CNTN6: variants seen among roughly 807,000 people sequenced by gnomAD.
The protein encoded by CNTN6 is contactin-6.
Under a neutral mutation model 122.8 loss-of-function variants are expected in CNTN6, and 137 were observed. The ratio of observed to expected loss-of-function variants is 1.12; its 90% CI spans 0.97 to 1.29. CNTN6 has a LOEUF of 1.29. Among genes scored for constraint, CNTN6 ranks in the 50% most tolerant of loss-of-function variants. The probability of loss-of-function intolerance (pLI) is 0.00; values close to 1 mark genes in which losing one functional copy is unlikely to be tolerated. For missense variants in CNTN6, 1,634 were observed against 1,223.4 expected, an observed-to-expected ratio of 1.34 and a Z score of -5.01; for synonymous variants, 570 against 426.0, an observed-to-expected ratio of 1.34 and a Z score of -4.16.
intron 2 of CNTN6, among the ~76,000 whole-genome samples, chr3:1,213,777 G>A (rs2094083462): frequency 6.6e-6 from 1 of 151,422 alleles, no homozygotes; most frequent in African/African-American, 2.4e-5. Flanking sequence ...ATAAAACAAA[G>A]TAAAAATGAT....
intron 11 of CNTN6, among the ~76,000 whole-genome samples, chr3:1,330,597 A>C (rs1489110609): frequency 6.6e-6 from 1 of 151,900 alleles, no homozygotes; most frequent in Non-Finnish European, 1.5e-5. Context: ...GCTCTCTTTT[A>C]ATGACTCACA....
intron 2 of CNTN6, among the ~76,000 whole-genome samples, chr3:1,157,246 T>C (rs1426498650): frequency 7.0e-6 from 1 of 141,936 alleles, no homozygotes; most frequent in Non-Finnish European, 1.5e-5. Context: ...TATGTACTTA[T>C]TGTCTCTGTT....
At chr3:1,233,701 C>T (rs1360429130) in intron 4 of CNTN6, among the ~76,000 whole-genome samples, 3 of 136,162 alleles carry the variant, frequency 2.2e-5, no homozygotes, top group Non-Finnish European at 1.5e-5. Flanking sequence ...TGCCAGTACA[C>T]TCCAGTCTGG....
intron 1 of CNTN6, among the ~76,000 whole-genome samples, chr3:1,108,291 A>G (rs1055095457): frequency 6.6e-6 from 1 of 152,090 alleles, no homozygotes; most frequent in Non-Finnish European, 1.5e-5. Context: ...GAATATTCGC[A>G]TATATATAAT....
At chr3:1,373,059 A>C (rs1709301812) in intron 14 of CNTN6, 104 bp downstream of exon 14, 4 of 667,162 alleles carry the variant, frequency 6.0e-6, no homozygotes, top group Non-Finnish European at 1.0e-5. Flanking sequence ...TATGGAAGTG[A>C]GATGTAATCA....
chr3:1,119,519 C>T (rs1011592759), intron 1 of CNTN6, among the ~76,000 whole-genome samples: 1 of 151,956 alleles, frequency 6.6e-6, no homozygotes, highest in East Asian at 1.9e-4. Flanking sequence ...TGAAAGAGAG[C>T]ATCATAGAAG....
intron 2 of CNTN6, chr3:1,173,244 C>G (rs981193341): frequency 6.6e-6 from 3 of 456,556 alleles, no homozygotes; most frequent in African/African-American, 6.0e-5. Context: ...AACTGGACTT[C>G]GTCTCTGGCT....
intron 7 of CNTN6, among the ~76,000 whole-genome samples, chr3:1,312,444 G>A (rs1699484873): frequency 1.3e-5 from 2 of 151,954 alleles, no homozygotes; most frequent in South Asian, 4.1e-4. Context: ...TTACAGTAGA[G>A]AAGGATTTCA....
chr3:1,304,172 A>G (rs1697930127), intron 7 of CNTN6, among the ~76,000 whole-genome samples: 2 of 152,148 alleles, frequency 1.3e-5, no homozygotes, highest in African/African-American at 2.4e-5. Flanking sequence ...CCTGATCTGG[A>G]TGGAAAGCAT....
At chr3:1,194,513 A>T (rs1176404986) in intron 2 of CNTN6, among the ~76,000 whole-genome samples, 2 of 152,148 alleles carry the variant, frequency 1.3e-5, no homozygotes, top group African/African-American at 4.8e-5. Flanking sequence ...CTAATAATGT[A>T]TTATTGTAAT....
intron 2 of CNTN6, among the ~76,000 whole-genome samples, chr3:1,192,188 T>C (rs141583111): frequency 4.9e-4 from 74 of 152,266 alleles, no homozygotes; most frequent in African/African-American, 1.7e-3. Flanking sequence ...AATTCTTACA[T>C]GGCCAGAAAG....
intron 7 of CNTN6, among the ~76,000 whole-genome samples, chr3:1,308,911 T>A (rs1698793889): frequency 6.6e-6 from 1 of 152,342 alleles, no homozygotes; most frequent in African/African-American, 2.4e-5. Flanking sequence ...TTAATGTGAT[T>A]ATTTGCTATC....
chr3:1,365,089 T>C (rs948885780), intron 12 of CNTN6, among the ~76,000 whole-genome samples: 1 of 152,002 alleles, frequency 6.6e-6, no homozygotes, highest in Non-Finnish European at 1.5e-5. Context: ...GTTCTTCCTT[T>C]TATTATTGAA....
chr3:1,115,116 C>T (rs2091660088), intron 1 of CNTN6, among the ~76,000 whole-genome samples: 1 of 152,118 alleles, frequency 6.6e-6, no homozygotes, highest in African/African-American at 2.4e-5. Flanking sequence ...TTATATGATC[C>T]TTCTGTGTAT....
At chr3:1,121,038 G>T (rs1009069343) in intron 1 of CNTN6, among the ~76,000 whole-genome samples, 14 of 151,956 alleles carry the variant, frequency 9.2e-5, no homozygotes, top group Non-Finnish European at 1.5e-5. Flanking sequence ...TAGTAGATAG[G>T]ACACATACTA....
intron 2 of CNTN6, among the ~76,000 whole-genome samples, chr3:1,183,286 T>C (rs2093583895): frequency 6.6e-6 from 1 of 152,276 alleles, no homozygotes; most frequent in African/African-American, 2.4e-5. Flanking sequence ...CAAACTCTTC[T>C]ATGAAAACAC....
chr3:1,123,105 C>T (rs2092024400), intron 1 of CNTN6, among the ~76,000 whole-genome samples: 1 of 151,690 alleles, frequency 6.6e-6, no homozygotes, highest in African/African-American at 2.4e-5. Context: ...GTTCTTTTTC[C>T]AAGTTATTTT....
chr3:1,183,059 T>C (rs2093580340), intron 2 of CNTN6, among the ~76,000 whole-genome samples: 1 of 152,162 alleles, frequency 6.6e-6, no homozygotes, highest in African/African-American at 2.4e-5. Flanking sequence ...CTTATCTTCA[T>C]GTGTGTGCTA....
At chr3:1,244,901 T>G (rs1267854094) in intron 4 of CNTN6, among the ~76,000 whole-genome samples, 1 of 144,220 alleles carries the variant, frequency 6.9e-6, no homozygotes. Flanking sequence ...AAGTACCTTC[T>G]TAAGGGTGGG....
Sources: allele counts gnomAD v4.1 joint callset (sites outside exome capture counted in the v4.1 genomes callset), GRCh38; gene constraint gnomAD v4.1.1; transcripts MANE v1.5; gene names NCBI Gene and HGNC (gene_info 2026-07-23, HGNC 2026-07-21).